Variants in PHF24 observed in about 807,000 individuals in gnomAD.
The protein encoded by PHF24 is PHD finger protein 24.
PHF24 carries 25 observed loss-of-function variants against 42.6 expected under a neutral mutation model. The ratio of observed to expected loss-of-function variants is 0.59; its 90% CI spans 0.43 to 0.82. The LOEUF is 0.82. Among genes scored for constraint, PHF24 ranks in the 40% least tolerant of loss-of-function variants. PHF24 has a pLI of 0.00. For missense variants in PHF24, 470 were observed against 538.1 expected (o/e 0.87, Z 1.25); for synonymous variants, 185 against 204.8 (o/e 0.90, Z 0.83).
At chr9:34,874,421 C>T in the PHF24 span, among the ~76,000 whole-genome samples, 1 of 152,152 alleles carries the variant, frequency 6.6e-6, no homozygotes, top group Non-Finnish European at 1.5e-5. Flanking sequence ...TATGCTTTTT[C>T]AATCCACTCG....
chr9:34,755,462 A>C, the PHF24 span, among the ~76,000 whole-genome samples: 2 of 151,902 alleles, frequency 1.3e-5, no homozygotes, highest in Non-Finnish European at 2.9e-5. Flanking sequence ...TTTGGTTTTG[A>C]TATGCATTTC....
the PHF24 span, among the ~76,000 whole-genome samples, chr9:34,865,039 T>C: frequency 6.7e-6 from 1 of 149,068 alleles, no homozygotes; most frequent in Non-Finnish European, 1.5e-5. Context: ...ATTAGCTGGG[T>C]GAAGTGGTGC....
chr9:34,889,021 T>G, the PHF24 span: 8 of 398,428 alleles, frequency 2.0e-5, no homozygotes, highest in African/African-American at 8.2e-5. Flanking sequence ...TCTCTCTGTC[T>G]ATCATATACC....
At chr9:34,888,801 C>T in the PHF24 span, among the ~76,000 whole-genome samples, 1 of 152,182 alleles carries the variant, frequency 6.6e-6, no homozygotes. Context: ...CACATTCCTC[C>T]TCTGAGCCCA....
chr9:34,788,739 A>T, the PHF24 span, among the ~76,000 whole-genome samples: 1 of 152,138 alleles, frequency 6.6e-6, no homozygotes, highest in Admixed American at 6.5e-5. Flanking sequence ...CCCCTGAGGA[A>T]AGGGAGGTCT....
the PHF24 span, among the ~76,000 whole-genome samples, chr9:34,804,302 TA>T: frequency 6.6e-5 from 10 of 152,108 alleles, no homozygotes; most frequent in East Asian, 1.9e-4. Flanking sequence ...AATGGCAGAA[TA>T]AAAAAGTCTG....
At chr9:34,879,395 T>C in the PHF24 span, among the ~76,000 whole-genome samples, 2 of 152,116 alleles carry the variant, frequency 1.3e-5, no homozygotes, top group Admixed American at 6.5e-5. Flanking sequence ...CTTCAGATGA[T>C]AGGTAATAAC....
At chr9:34,710,087 A>C in the PHF24 span, 203,374 of 1,609,770 alleles carry the variant, frequency 0.13, 13,731 homozygotes, top group South Asian at 0.2. Context: ...GAGGGTGAGT[A>C]AGAGGCCAGA....
At chr9:34,869,066 C>T in the PHF24 span, among the ~76,000 whole-genome samples, 1 of 152,186 alleles carries the variant, frequency 6.6e-6, no homozygotes, top group Admixed American at 6.5e-5. Context: ...CATCCATGTC[C>T]CTGCCAAGGA....
At position 34,971,818 on chromosome 9, in the gene PHF24, A is replaced by G. The variant is rs1235371661; in HGVS notation, c.378+142A>G. 6.0e-6 allele frequency: 6 copies of G among 999,392 alleles called. No individual in the cohort carries two copies. The African/African-American group carries it at 8.1e-5, about 13-fold the overall frequency. 61.9% of individuals were successfully genotyped at this position (999,392 alleles called of 1,614,324 possible). On this transcript the variant is annotated intron_variant, in intron 2 of 7. Coordinates refer to ENST00000242315, the Ensembl canonical transcript of PHF24. ...AAATCTTTGAATTTCTTCTGTAAGA[A>G]TAAAATGTTTGTTATATCCTGGATT...
the PHF24 span, among the ~76,000 whole-genome samples, chr9:34,930,183 C>T: frequency 6.6e-6 from 1 of 152,184 alleles, no homozygotes; most frequent in Non-Finnish European, 1.5e-5. Context: ...CTGGGAGGAG[C>T]CACTGGTTTG....
the PHF24 span, among the ~76,000 whole-genome samples, chr9:34,748,652 A>C: frequency 2.0e-5 from 3 of 152,228 alleles, no homozygotes; most frequent in Admixed American, 1.3e-4. Flanking sequence ...CTTAATGCAG[A>C]TATGGCTACA....
the PHF24 span, among the ~76,000 whole-genome samples, chr9:34,862,648 C>G: frequency 6.6e-6 from 1 of 152,056 alleles, no homozygotes; most frequent in East Asian, 1.9e-4. Context: ...CAGCAATACC[C>G]AGGTAGTATG....
rs1287408301 is a variant in PHF24, at chr9:34,976,875, A to T, written c.849+135A>T. 1.9e-5 allele frequency: 17 copies of T among 907,716 alleles called. No homozygotes were observed. The African/African-American group carries it at 2.7e-4, about 14-fold the overall frequency. The allele number at this position is 907,716 out of a possible 1,614,324, so 56.2% of individuals were successfully genotyped here. On this transcript the variant is annotated intron_variant, in intron 5 of 7. Transcript: ENST00000242315. ...TCAGGAATGGGCTCAGGTTCCATCCAGTGACAGATGATCTGGTGCCCAGGC... is the reference window on the plus strand; with the variant it reads ...TCAGGAATGGGCTCAGGTTCCATCCTGTGACAGATGATCTGGTGCCCAGGC...
chr9:34,925,488 CA>C, the PHF24 span, among the ~76,000 whole-genome samples: 2 of 152,080 alleles, frequency 1.3e-5, no homozygotes, highest in African/African-American at 4.8e-5. Context: ...ACCCATAATA[CA>C]AATACTTGTT....
At chr9:34,894,071 A>G in the PHF24 span, among the ~76,000 whole-genome samples, 71 of 152,344 alleles carry the variant, frequency 4.7e-4, 1 homozygote, top group Non-Finnish European at 8.1e-4. Flanking sequence ...TCAGACTCAG[A>G]GGAGAGGGAA....
the PHF24 span, among the ~76,000 whole-genome samples, chr9:34,856,238 G>C: frequency 6.6e-6 from 1 of 152,144 alleles, no homozygotes; most frequent in South Asian, 2.1e-4. Context: ...GCCCAGTGAA[G>C]TTCATCATTA....
At chr9:34,830,163 T>C in the PHF24 span, among the ~76,000 whole-genome samples, 1 of 152,246 alleles carries the variant, frequency 6.6e-6, no homozygotes, top group African/African-American at 2.4e-5. Context: ...ACTTCATTTT[T>C]CCCCACATTC....
chr9:34,918,408 TAAAA>T, the PHF24 span: 2 of 393,360 alleles, frequency 5.1e-6, no homozygotes, highest in South Asian at 3.6e-5. Context: ...CCAAGGTCTT[TAAAA>T]AAAAAAAAAA....
Sources: allele counts gnomAD v4.1 joint callset (sites outside exome capture counted in the v4.1 genomes callset), GRCh38; gene constraint gnomAD v4.1.1; transcripts MANE v1.5; gene names NCBI Gene and HGNC (gene_info 2026-07-23, HGNC 2026-07-21).